The following NLRP14 variants were observed in gnomAD, a reference collection of about 807,000 sequenced individuals.
The protein encoded by NLRP14 is NACHT, LRR and PYD domains-containing protein 14.
In NLRP14, 105 loss-of-function variants were observed where a neutral mutation model predicts 94.7. The observed-to-expected ratio is 1.11, with a 90% CI of 0.95 to 1.30. The LOEUF is 1.30. NLRP14 is among the 50% of genes most tolerant of loss of function. The pLI, the probability that NLRP14 is intolerant of heterozygous loss-of-function variation, is 0.00. For synonymous variants in NLRP14, 508 were observed against 459.9 expected, an observed-to-expected ratio of 1.10 and a Z score of -1.34; for missense variants, 1,362 against 1,254.1, an observed-to-expected ratio of 1.09 and a Z score of -1.30.
At chr11:7,089,685 G>T in the NLRP14 span, 18 of 1,497,894 alleles carry the variant, frequency 1.2e-5, no homozygotes, top group East Asian at 4.3e-4. Context: ...GGGGCGAGAC[G>T]GCTACTCAGG....
chr11:7,049,757 A>G lies in NLRP14; in HGVS notation c.2210A>G (p.Lys737Arg). Reference sequence around the variant, plus strand: ...AAGAATCTGATGCATCTTGACCTAAAAGGGAGTGATATAGGGGATAATGGA... The same window carrying G: ...AAGAATCTGATGCATCTTGACCTAAGAGGGAGTGATATAGGGGATAATGGA... ...HNKNLMHLDL[K>R]GSDIGDNGVK... The change falls in exon 6 of 12, where the codon AAA becomes AGA. Residue 737 changes from lysine (K) to arginine (R), a missense_variant. Transcript: ENST00000299481. 1 of 1,610,620 alleles carries G rather than the reference A, an allele frequency of 6.2e-7. No homozygotes were observed. Among genetic ancestry groups the G allele is most frequent in the Non-Finnish European group, 8.5e-7 (1 of 1,176,852 alleles).
chr11:7,020,988 T>C (rs1851920394), intron 1 of NLRP14, among the ~76,000 whole-genome samples: 2 of 152,230 alleles, frequency 1.3e-5, no homozygotes, highest in Non-Finnish European at 2.9e-5. Context: ...GCCTGTTCTA[T>C]TATTTAGCTG....
intron 9 of NLRP14, among the ~76,000 whole-genome samples, chr11:7,061,932 G>T (rs775145594): frequency 6.6e-6 from 1 of 152,024 alleles, no homozygotes; most frequent in Non-Finnish European, 1.5e-5. Flanking sequence ...CTTTTTATAT[G>T]TAGCTTTCTT....
downstream of NLRP14, among the ~76,000 whole-genome samples, chr11:7,072,573 T>G (rs1168702813): frequency 6.6e-6 from 1 of 152,180 alleles, no homozygotes; most frequent in Non-Finnish European, 1.5e-5. Context: ...ATCCCTCCCT[T>G]GGGCGGGTTG....
intron 6 of NLRP14, among the ~76,000 whole-genome samples, chr11:7,052,203 A>G (rs573470751): frequency 2.0e-5 from 3 of 152,314 alleles, no homozygotes; most frequent in East Asian, 3.9e-4. Flanking sequence ...TTTATAAGCA[A>G]GGTAAGGGAA....
At chr11:7,081,193 G>GT in the NLRP14 span, among the ~76,000 whole-genome samples, 114 of 152,144 alleles carry the variant, frequency 7.5e-4, no homozygotes, top group African/African-American at 1.4e-3. Flanking sequence ...GATTTAGGTG[G>GT]TTTTTTTTAT....
chr11:7,073,067 A>G (rs968432826), downstream of NLRP14, among the ~76,000 whole-genome samples: 2 of 152,090 alleles, frequency 1.3e-5, no homozygotes, highest in African/African-American at 2.4e-5. Flanking sequence ...CATTGCTTGT[A>G]GTCTTAGGGC....
chr11:7,024,766 G>A (rs962478209), intron 1 of NLRP14, among the ~76,000 whole-genome samples: 1 of 108,422 alleles, frequency 9.2e-6, no homozygotes, highest in Non-Finnish European at 2.0e-5. Context: ...TGAGTAAAAT[G>A]TGAAAAAAGT....
At chr11:7,066,928 A>G (rs1373772791) in intron 10 of NLRP14, among the ~76,000 whole-genome samples, 1 of 152,154 alleles carries the variant, frequency 6.6e-6, no homozygotes, top group Non-Finnish European at 1.5e-5. Context: ...ATGGCTAGCC[A>G]GTTTTCCCAA....
chr11:7,020,645 G>A lies in NLRP14; in HGVS notation c.-147G>A, dbSNP rs1167689433. 1 of 152,258 alleles carries A rather than the reference G, an allele frequency of 6.6e-6. No individual in the cohort carries two copies. The highest frequency in any genetic ancestry group is 1.5e-5 in the Non-Finnish European group (1 of 68,076). The allele number at this position is 152,258 out of a possible 1,614,324, so 9.4% of individuals were successfully genotyped here. On this transcript the variant is annotated 5_prime_UTR_variant, in exon 1 of 12. Transcript: ENST00000299481. ...ATTCTGTGACCCTCACCACCGCGACGACCCCGAGGAAACGCTGTCAGGTCG... is the reference window on the plus strand; with the variant it reads ...ATTCTGTGACCCTCACCACCGCGACAACCCCGAGGAAACGCTGTCAGGTCG...
At chr11:7,024,831 C>T (rs375203417) in intron 1 of NLRP14, among the ~76,000 whole-genome samples, 1 of 152,026 alleles carries the variant, frequency 6.6e-6, no homozygotes. Context: ...AAAATGGTCA[C>T]TTTTTGTATC....
downstream of NLRP14, among the ~76,000 whole-genome samples, chr11:7,075,849 C>G (rs1380271289): frequency 1.3e-5 from 2 of 152,170 alleles, no homozygotes; most frequent in African/African-American, 2.4e-5. Flanking sequence ...ATGCAGATAG[C>G]TTTGATCATC....
rs548297454 is a variant in NLRP14, at chr11:7,021,806, T to C, written c.-22+1036T>C. On this transcript the variant is annotated intron_variant, in intron 1 of 11. Coordinates refer to ENST00000299481, the MANE Select transcript of NLRP14 (RefSeq NM_176822.4). Reference sequence around the variant, plus strand: ...GCTATTTAAATACATTAAAAAGCAATGTATTTAAATAGCCGCAATTGATAG... The same window carrying C: ...GCTATTTAAATACATTAAAAAGCAACGTATTTAAATAGCCGCAATTGATAG... 4.0e-5 allele frequency among the ~76,000 whole-genome samples: 6 copies of C among 150,878 alleles called. No individual in the cohort carries two copies. In the South Asian group the frequency reaches 6.3e-4, roughly 16 times the overall value.
chr11:7,063,640 T>G (rs1852661163), intron 10 of NLRP14, among the ~76,000 whole-genome samples: 1 of 152,112 alleles, frequency 6.6e-6, no homozygotes, highest in Non-Finnish European at 1.5e-5. Flanking sequence ...TCTTGGCTTC[T>G]GGTGAATTTT....
At chr11:7,065,800 G>A (rs35104022) in intron 10 of NLRP14, among the ~76,000 whole-genome samples, 6,690 of 152,016 alleles carry the variant, frequency 0.044, 236 homozygotes, top group Non-Finnish European at 0.073. Flanking sequence ...ACGGTGGTTT[G>A]CTGCACCCAT....
intron 3 of NLRP14, among the ~76,000 whole-genome samples, chr11:7,041,068 TGATTTACTGATTATTTTCTCTG>T (rs1852241185): frequency 6.6e-6 from 1 of 152,150 alleles, no homozygotes; most frequent in African/African-American, 2.4e-5. Context: ...AGTACAGCAA[TGATTTACTGATTATTTTCTCTG>T]TGAGTATACC....
chr11:7,089,069 G>A, the NLRP14 span: 215 of 1,580,218 alleles, frequency 1.4e-4, no homozygotes, highest in African/African-American at 2.7e-3. Context: ...GCTGCGACTG[G>A]CGCCGCCTCA....
chr11:7,047,926 A>AT (rs1369919114), intron 5 of NLRP14, among the ~76,000 whole-genome samples: 1 of 150,644 alleles, frequency 6.6e-6, no homozygotes, highest in East Asian at 2.0e-4. Context: ...CACCTGGCTA[A>AT]TTTTTGTATT....
the NLRP14 span, chr11:7,089,229 G>A: frequency 1.2e-6 from 2 of 1,613,102 alleles, no homozygotes; most frequent in South Asian, 2.2e-5. Flanking sequence ...CATCGTCGAG[G>A]TGCTCCTGAT....
Sources: gnomAD v4.1 joint callset for allele counts (sites outside exome capture counted in the v4.1 genomes callset) on GRCh38, gnomAD v4.1.1 for gene constraint, MANE v1.5 for transcripts, NCBI Gene and HGNC (gene_info 2026-07-23, HGNC 2026-07-21) for gene names.